GRIP1: variants seen among roughly 807,000 people sequenced by gnomAD.
GRIP1 encodes glutamate receptor-interacting protein 1.
Under a neutral mutation model 129.9 loss-of-function variants are expected in GRIP1, and 45 were observed. The observed-to-expected ratio is 0.35, with a 90% CI of 0.27 to 0.44. The LOEUF (loss-of-function observed/expected upper bound fraction) is 0.44. Ranked by LOEUF, GRIP1 falls within the 20% of genes least tolerant of loss-of-function variation. The pLI, the probability that GRIP1 is intolerant of heterozygous loss-of-function variation, is 1.00. For missense variants in GRIP1, 1,196 were observed against 1,396.8 expected, an observed-to-expected ratio of 0.86 and a Z score of 2.29; for synonymous variants, 530 against 520.8, an observed-to-expected ratio of 1.02 and a Z score of -0.24.
intron 1 of GRIP1, among the ~76,000 whole-genome samples, chr12:66,966,387 G>A (rs886999012): frequency 6.6e-6 from 1 of 152,050 alleles, no homozygotes; most frequent in South Asian, 2.1e-4. Flanking sequence ...TTGTTTCATC[G>A]CTCCACTTAT....
intron 15 of GRIP1, among the ~76,000 whole-genome samples, chr12:66,411,614 A>G (rs1017742158): frequency 6.6e-6 from 1 of 152,238 alleles, no homozygotes; most frequent in Non-Finnish European, 1.5e-5. Context: ...AGGGCACAGA[A>G]CTGGGCTGAA....
chr12:66,988,402 G>A (rs1412656060), intron 1 of GRIP1, among the ~76,000 whole-genome samples: 1 of 151,524 alleles, frequency 6.6e-6, no homozygotes, highest in Non-Finnish European at 1.5e-5. Flanking sequence ...TTTTTTAGAT[G>A]GAAATTTTAC....
intron 1 of GRIP1, among the ~76,000 whole-genome samples, chr12:66,789,837 C>T (rs7131762): frequency 0.16 from 23,905 of 152,050 alleles, 2,262 homozygotes; most frequent in East Asian, 0.44. Flanking sequence ...TTACAAGGAA[C>T]ATGCAAATTC....
chr12:66,644,522 T>C (rs1592693835), intron 1 of GRIP1, among the ~76,000 whole-genome samples: 1 of 152,176 alleles, frequency 6.6e-6, no homozygotes, highest in Non-Finnish European at 1.5e-5. Flanking sequence ...AAAATCCTTA[T>C]CAGGAAAACC....
At chr12:66,853,753 A>G (rs2039954727) in intron 1 of GRIP1, among the ~76,000 whole-genome samples, 1 of 152,150 alleles carries the variant, frequency 6.6e-6, no homozygotes, top group Admixed American at 6.6e-5. Context: ...TAGCAAATTA[A>G]TACGAGTAAA....
chr12:66,565,673 T>C (rs1369036650), intron 2 of GRIP1, among the ~76,000 whole-genome samples: 1 of 152,206 alleles, frequency 6.6e-6, no homozygotes, highest in Non-Finnish European at 1.5e-5. Flanking sequence ...AAGTCATTGG[T>C]AGCTTGATGG....
intron 1 of GRIP1, among the ~76,000 whole-genome samples, chr12:66,601,370 T>G (rs1018970398): frequency 6.6e-6 from 1 of 152,186 alleles, no homozygotes; most frequent in African/African-American, 2.4e-5. Context: ...GGTCTCCTCA[T>G]GCTCTCAAAT....
At chr12:66,507,947 G>A (rs1337612269) in intron 7 of GRIP1, among the ~76,000 whole-genome samples, 1 of 152,054 alleles carries the variant, frequency 6.6e-6, no homozygotes, top group Non-Finnish European at 1.5e-5. Flanking sequence ...ACACTGTAGG[G>A]CATTTCTAAG....
intron 11 of GRIP1, 33 bp downstream of exon 11, chr12:66,455,376 A>C: frequency 6.2e-7 from 1 of 1,609,394 alleles, no homozygotes; most frequent in Non-Finnish European, 8.5e-7. Flanking sequence ...GGTTTTTTCC[A>C]GGCCAAATGC....
At chr12:66,852,544 A>G (rs1219287534) in intron 1 of GRIP1, among the ~76,000 whole-genome samples, 2 of 107,142 alleles carry the variant, frequency 1.9e-5, no homozygotes, top group East Asian at 9.8e-4. Flanking sequence ...ATATATGTAT[A>G]TATGTATATG....
At chr12:66,673,740 C>T (rs776742169) in intron 1 of GRIP1, among the ~76,000 whole-genome samples, 2 of 152,162 alleles carry the variant, frequency 1.3e-5, no homozygotes, top group Non-Finnish European at 2.9e-5. Flanking sequence ...ATCTGGACCA[C>T]GAGCAGCACT....
intron 1 of GRIP1, among the ~76,000 whole-genome samples, chr12:66,598,090 T>C (rs1261296992): frequency 6.6e-6 from 1 of 152,178 alleles, no homozygotes; most frequent in East Asian, 1.9e-4. Context: ...GAAACCATAC[T>C]GTGCATGACA....
intron 1 of GRIP1, among the ~76,000 whole-genome samples, chr12:66,991,577 G>A (rs1468828296): frequency 3.3e-5 from 5 of 152,038 alleles, no homozygotes; most frequent in African/African-American, 1.2e-4. Flanking sequence ...CTGAGTAAAA[G>A]AATACAAGAA....
At chr12:66,762,789 T>A (rs1427726779) in intron 1 of GRIP1, among the ~76,000 whole-genome samples, 1 of 152,220 alleles carries the variant, frequency 6.6e-6, no homozygotes, top group Non-Finnish European at 1.5e-5. Flanking sequence ...ATTAAATGCC[T>A]TAATCGGAGC....
intron 1 of GRIP1, among the ~76,000 whole-genome samples, chr12:66,893,700 T>C (rs537309095): frequency 1.7e-3 from 261 of 152,328 alleles, no homozygotes; most frequent in African/African-American, 6.1e-3. Flanking sequence ...CAAACATACA[T>C]TCTTATTTCT....
chr12:66,687,834 G>T (rs2034838613), intron 1 of GRIP1, among the ~76,000 whole-genome samples: 1 of 152,130 alleles, frequency 6.6e-6, no homozygotes, highest in Non-Finnish European at 1.5e-5. Flanking sequence ...CTGACTAAGT[G>T]GAACATACAA....
intron 7 of GRIP1, among the ~76,000 whole-genome samples, chr12:66,483,561 T>C (rs1016549748): frequency 6.6e-6 from 1 of 152,220 alleles, no homozygotes; most frequent in Non-Finnish European, 1.5e-5. Flanking sequence ...TGACTCCCAC[T>C]CTCTGCAGCA....
chr12:66,444,282 C>T (rs1437210624), intron 13 of GRIP1, among the ~76,000 whole-genome samples: 2 of 151,286 alleles, frequency 1.3e-5, no homozygotes, highest in Non-Finnish European at 2.9e-5. Context: ...GTCAGGAGAT[C>T]GAGACCATCC....
chr12:66,396,876 C>T (rs544511530), intron 16 of GRIP1, among the ~76,000 whole-genome samples: 1 of 151,770 alleles, frequency 6.6e-6, no homozygotes, highest in South Asian at 2.1e-4. Flanking sequence ...TTTGGGAGGC[C>T]AAGGTGGGTG....
Sources: allele counts gnomAD v4.1 joint callset (sites outside exome capture counted in the v4.1 genomes callset), GRCh38; gene constraint gnomAD v4.1.1; transcripts MANE v1.5; gene names NCBI Gene and HGNC (gene_info 2026-07-23, HGNC 2026-07-21).